Variants in CSMD1 observed in about 807,000 individuals in gnomAD.
The protein encoded by CSMD1 is CUB and Sushi multiple domains 1.
A neutral mutation model predicts 417.5 loss-of-function variants in CSMD1; 213 were observed. The observed-to-expected ratio is 0.51, with a 90% CI of 0.46 to 0.57. CSMD1 has a LOEUF of 0.57. CSMD1 is among the 20% of genes least tolerant of loss of function. The probability of loss-of-function intolerance (pLI) is 0.00; values close to 1 mark genes in which losing one functional copy is unlikely to be tolerated. For synonymous variants in CSMD1, 2,862 were observed against 1,736.8 expected, an observed-to-expected ratio of 1.65 and a Z score of -16.11; for missense variants, 6,923 against 4,529.7, an observed-to-expected ratio of 1.53 and a Z score of -15.17.
chr8:3,981,514 A>G lies in CSMD1; in HGVS notation c.818+16389T>C, dbSNP rs915680196. Among the ~76,000 whole-genome samples, 39 of 151,022 alleles carry G rather than the reference A, an allele frequency of 2.6e-4. 1 individual carries two copies. The highest frequency in any genetic ancestry group is 1.6e-3 in the East Asian group (8 of 5,148). ...ATAGAAAAAAGTAAAAAAAAAAAAA[A>G]AAAAAAAAAAAGAACATACAATTGT... On this transcript the variant is annotated intron_variant, in intron 5 of 69. Transcript: ENST00000635120.
intron 1 of CSMD1, among the ~76,000 whole-genome samples, chr8:4,681,638 G>C (rs1349150753): frequency 6.6e-6 from 1 of 152,090 alleles, no homozygotes; most frequent in African/African-American, 2.4e-5. Context: ...TATGTGCTTG[G>C]TTGCTGGCAC....
At chr8:4,121,487 A>G (rs1046741983) in intron 3 of CSMD1, among the ~76,000 whole-genome samples, 18 of 152,024 alleles carry the variant, frequency 1.2e-4, no homozygotes, top group African/African-American at 4.4e-4. Context: ...TTACTTTCCT[A>G]TTTCTCACTA....
intron 2 of CSMD1, among the ~76,000 whole-genome samples, chr8:4,526,835 G>A (rs1796537500): frequency 6.6e-6 from 1 of 151,800 alleles, no homozygotes; most frequent in Non-Finnish European, 1.5e-5. Context: ...ATCGACAAAT[G>A]TTTTTTTTCT....
chr8:4,273,999 A>G (rs1804764819), intron 3 of CSMD1, among the ~76,000 whole-genome samples: 1 of 152,156 alleles, frequency 6.6e-6, no homozygotes, highest in South Asian at 2.1e-4. Context: ...TGATAACCGC[A>G]TGCATTTTTT....
chr8:4,746,819 T>A (rs1200230919), intron 1 of CSMD1, among the ~76,000 whole-genome samples: 1 of 152,154 alleles, frequency 6.6e-6, no homozygotes, highest in Non-Finnish European at 1.5e-5. Context: ...GGGTTCTCTC[T>A]CAGAGAAAAA....
intron 3 of CSMD1, among the ~76,000 whole-genome samples, chr8:4,323,505 A>G (rs1057222746): frequency 6.6e-6 from 1 of 152,048 alleles, no homozygotes; most frequent in Non-Finnish European, 1.5e-5. Flanking sequence ...ACCTGTTATC[A>G]GAAATGTTGC....
intron 3 of CSMD1, among the ~76,000 whole-genome samples, chr8:4,350,621 G>T (rs537081128): frequency 2.4e-4 from 37 of 152,210 alleles, no homozygotes; most frequent in African/African-American, 8.7e-4. Context: ...ACTGACCTGG[G>T]CAATGGGCTA....
rs537272934 is a variant in CSMD1, at chr8:4,636,227, A to G, written c.302+1115T>C. Among the ~76,000 whole-genome samples the G allele has an allele frequency of 2.0e-5, 3 of 152,220 alleles. No individual in the cohort carries two copies. In the East Asian group the frequency reaches 5.8e-4, roughly 29 times the overall value. On this transcript the variant is annotated intron_variant, in intron 2 of 69. Transcript: ENST00000635120. ...TGTTAGGAAAATCTGATTTCTTTGG[A>G]AGGGATATTCCTTCTTCCTTTGCCA...
chr8:4,377,150 T>C (rs1160988458), intron 3 of CSMD1, among the ~76,000 whole-genome samples: 7 of 152,176 alleles, frequency 4.6e-5, no homozygotes, highest in East Asian at 1.9e-4. Context: ...TTTTTATGTG[T>C]TTTAAACAGT....
At chr8:3,393,689 G>C (rs972847178) in intron 17 of CSMD1, among the ~76,000 whole-genome samples, 1 of 151,850 alleles carries the variant, frequency 6.6e-6, no homozygotes, top group Non-Finnish European at 1.5e-5. Context: ...GTCTTTTGTA[G>C]GGACATGGAT....
At chr8:4,212,950 C>T (rs926811912) in intron 3 of CSMD1, among the ~76,000 whole-genome samples, 8 of 151,992 alleles carry the variant, frequency 5.3e-5, no homozygotes, top group African/African-American at 1.9e-4. Context: ...TTCCCTCATA[C>T]CCACTGAAGA....
chr8:3,539,531 T>C (rs1798349697), intron 10 of CSMD1, among the ~76,000 whole-genome samples: 1 of 152,150 alleles, frequency 6.6e-6, no homozygotes, highest in Non-Finnish European at 1.5e-5. Flanking sequence ...ACAAAGGTTC[T>C]CATTTTAAAC....
At chr8:3,938,078 G>A (rs34326812) in intron 5 of CSMD1, among the ~76,000 whole-genome samples, 51,973 of 151,968 alleles carry the variant, frequency 0.34, 8,956 homozygotes, top group African/African-American at 0.4. Context: ...GGATTACACA[G>A]GATCGTGTAG....
chr8:4,122,529 T>C (rs1436484588), intron 3 of CSMD1, among the ~76,000 whole-genome samples: 1 of 152,130 alleles, frequency 6.6e-6, no homozygotes, highest in Non-Finnish European at 1.5e-5. Context: ...CCAGCCGCAT[T>C]TTAAATACCT....
intron 2 of CSMD1, among the ~76,000 whole-genome samples, chr8:4,567,220 G>A (rs1456361603): frequency 1.3e-5 from 2 of 152,056 alleles, no homozygotes; most frequent in Non-Finnish European, 2.9e-5. Context: ...TGAACAGTGG[G>A]GATTGAATAT....
chr8:4,827,707 T>C (rs922567414), intron 1 of CSMD1, among the ~76,000 whole-genome samples: 11 of 152,170 alleles, frequency 7.2e-5, no homozygotes, highest in African/African-American at 2.7e-4. Flanking sequence ...GTTTTAATTA[T>C]CTGTAGATCT....
chr8:4,301,119 C>A (rs571516700), intron 3 of CSMD1, among the ~76,000 whole-genome samples: 3 of 152,064 alleles, frequency 2.0e-5, no homozygotes, highest in East Asian at 1.9e-4. Context: ...CAAAATTGCC[C>A]GTGTTTGAGG....
intron 3 of CSMD1, among the ~76,000 whole-genome samples, chr8:4,333,416 C>A (rs1799987251): frequency 6.6e-6 from 1 of 152,090 alleles, no homozygotes. Flanking sequence ...TCCTCAACTA[C>A]CTGTTGCCTA....
At chr8:3,655,379 T>G (rs1399121434) in intron 7 of CSMD1, among the ~76,000 whole-genome samples, 1 of 152,236 alleles carries the variant, frequency 6.6e-6, no homozygotes, top group African/African-American at 2.4e-5. Context: ...ATTTTCATTT[T>G]TCACTATTAC....
Sources: gnomAD v4.1 joint callset for allele counts (sites outside exome capture counted in the v4.1 genomes callset) on GRCh38, gnomAD v4.1.1 for gene constraint, MANE v1.5 for transcripts, NCBI Gene and HGNC (gene_info 2026-07-23, HGNC 2026-07-21) for gene names.